The following MYRF variants were observed in gnomAD, a reference collection of about 807,000 sequenced individuals.
The protein encoded by MYRF is myelin gene regulatory factor.
In MYRF, 16 loss-of-function variants were observed where a neutral mutation model predicts 126.3. The ratio of observed to expected loss-of-function variants is 0.13; its 90% CI spans 0.09 to 0.19. The LOEUF (loss-of-function observed/expected upper bound fraction) is 0.19, where lower values mean the gene tolerates loss of function less well. MYRF is among the 10% of genes least tolerant of loss of function. The pLI is 1.00. For synonymous variants in MYRF, 608 were observed against 635.3 expected (o/e 0.96, Z 0.65); for missense variants, 1,104 against 1,547.0 (o/e 0.71, Z 4.80).
At chr11:61,761,045 C>G (rs914002507) in intron 1 of MYRF, among the ~76,000 whole-genome samples, 2 of 152,158 alleles carry the variant, frequency 1.3e-5, no homozygotes, top group African/African-American at 4.8e-5. Context: ...TCAGATCCAC[C>G]AAGCCTGGCC....
At position 61,766,033 on chromosome 11, in the gene MYRF, C is replaced by T. The variant is rs767872277; in HGVS notation, c.210C>T (p.Ser70=). The T allele has an allele frequency of 8.8e-6, 14 of 1,593,736 alleles. No individual in the cohort carries two copies. The highest frequency in any genetic ancestry group is 1.7e-4 in the Middle Eastern group (1 of 6,010). The change falls in exon 3 of 27, where the codon AGC becomes AGT. Residue 70 remains serine (S), a synonymous_variant. Coordinates refer to ENST00000278836, the MANE Select transcript of MYRF (RefSeq NM_001127392.3). The part of the protein sequence containing the change: ...SHGQPAMPGS[S]GVHHLSPPGG... ...GGCAGCCTGCGATGCCTGGCTCCAG[C>T]GGGGTCCACCACCTGAGCCCCCCTG...
In MYRF at chr11:61,778,629, C is replaced by T. The variant is rs1400924404; in HGVS notation, c.2013+140C>T. 1 of 685,674 alleles carries T rather than the reference C, an allele frequency of 1.5e-6. No homozygotes were observed. The highest frequency in any genetic ancestry group is 2.7e-6 in the Non-Finnish European group (1 of 375,902). 42.5% of individuals were successfully genotyped at this position (685,674 alleles called of 1,614,324 possible). ...CGGCTCTCATGCTGCCTCCAGAGCG[C>T]CCTCTGCACCCCACAGGGAAGGGGT... On this transcript the variant is annotated intron_variant, in intron 14 of 26. Coordinates refer to ENST00000278836, the MANE Select transcript of MYRF (RefSeq NM_001127392.3). The surrounding 1 kb of genome is among the most constrained non-coding windows in gnomAD (Gnocchi z 4.6).
intron 7 of MYRF, among the ~76,000 whole-genome samples, chr11:61,772,629 G>T (rs943438318): frequency 6.6e-6 from 1 of 152,240 alleles, no homozygotes; most frequent in Non-Finnish European, 1.5e-5. Flanking sequence ...CCTGCCAGGT[G>T]GGGGTGCAGT....
intron 1 of MYRF, among the ~76,000 whole-genome samples, chr11:61,765,363 C>G (rs1391608481): frequency 6.6e-6 from 1 of 152,216 alleles, no homozygotes; most frequent in Non-Finnish European, 1.5e-5. Context: ...TCTCTGTACC[C>G]AGATCCATGC....
chr11:61,786,258 G>A lies in MYRF; in HGVS notation c.*115G>A. On this transcript the variant is annotated 3_prime_UTR_variant, in exon 27 of 27. Coordinates refer to ENST00000278836, the MANE Select transcript of MYRF (RefSeq NM_001127392.3). The surrounding 1 kb of genome is among the most constrained non-coding windows in gnomAD (Gnocchi z 4.5). ...CTGCAGGCCAGCTCTGCTGTTCACTGGCCCTACCCGAGACTGGTGAAACTG... is the reference window on the plus strand; with the variant it reads ...CTGCAGGCCAGCTCTGCTGTTCACTAGCCCTACCCGAGACTGGTGAAACTG... 1 of 973,114 alleles carries A rather than the reference G, an allele frequency of 1.0e-6. No individual in the cohort carries two copies. Among genetic ancestry groups the A allele is most frequent in the South Asian group, 1.4e-5 (1 of 70,760 alleles). The allele number at this position is 973,114 out of a possible 1,614,324, so 60.3% of individuals were successfully genotyped here.
intron 24 of MYRF, 144 bp downstream of exon 24, chr11:61,784,069 A>G (rs2066625683): frequency 1.8e-6 from 2 of 1,094,996 alleles, no homozygotes; most frequent in South Asian, 1.5e-5. Context: ...TTCATTGCCT[A>G]CTTCGTGGTT....
At chr11:61,781,905 A>C (rs1042223741) in intron 22 of MYRF, 81 bp downstream of exon 22, 15 of 1,435,246 alleles carry the variant, frequency 1.0e-5, no homozygotes, top group Non-Finnish European at 3.7e-6. Context: ...CAGTCATGTG[A>C]CTGTCTGGGT....
intron 1 of MYRF, among the ~76,000 whole-genome samples, chr11:61,763,134 G>A (rs144029297): frequency 2.6e-3 from 390 of 152,224 alleles, no homozygotes; most frequent in African/African-American, 8.7e-3. Context: ...CAGCTTCAGC[G>A]GCCAGGGTGG....
At chr11:61,773,052 C>G (rs2066270562) in intron 7 of MYRF, among the ~76,000 whole-genome samples, 1 of 148,546 alleles carries the variant, frequency 6.7e-6, no homozygotes, top group African/African-American at 2.5e-5. Flanking sequence ...GTTGCCCAGG[C>G]TGGAGTGCAA....
Position 61,781,300 on chromosome 11 carries a change from C to A in MYRF, c.2735C>A (p.Pro912Gln). The change falls in exon 21 of 27, where the codon CCA becomes CAA. Residue 912 changes from proline (P) to glutamine (Q), a missense_variant. This residue lies in a region of MYRF where 323 missense variants were observed against 383.1 expected (regional missense o/e 0.84). Coordinates refer to ENST00000278836, the MANE Select transcript of MYRF (RefSeq NM_001127392.3). The part of the protein sequence containing the change: ...PSFNPGHVLS[P>Q]SPSPSTNRSG... ...TTTAACCCTGGCCATGTTCTCAGCC[C>A]AAGTCCCAGCCCCAGCACCAACCGC... is the stretch of plus-strand genomic sequence containing the variant. 1 of 1,614,128 alleles carries A rather than the reference C, an allele frequency of 6.2e-7. No homozygotes were observed. Among genetic ancestry groups the A allele is most frequent in the Non-Finnish European group, 8.5e-7 (1 of 1,180,038 alleles).
Position 61,781,035 on chromosome 11 carries a change from T to A in MYRF, c.2562T>A (p.Ser854=), listed in dbSNP as rs559028149. The change falls in exon 20 of 27, where the codon TCT becomes TCA. Residue 854 remains serine, a synonymous_variant. Coordinates refer to ENST00000278836, the MANE Select transcript of MYRF (RefSeq NM_001127392.3). ...LTTGLPGIQP[S]LLLVTTSLTS... ...CGGGGCTACCAGGCATACAGCCCTC[T>A]TTGCTGCTGGGTGCGTGTCTGGGCA... 1 of 1,609,990 alleles carries A rather than the reference T, an allele frequency of 6.2e-7. No homozygotes were observed. Among genetic ancestry groups the A allele is most frequent in the Non-Finnish European group, 8.5e-7 (1 of 1,179,988 alleles).
intron 1 of MYRF, among the ~76,000 whole-genome samples, chr11:61,753,438 G>A (rs1042990974): frequency 4.0e-5 from 6 of 151,886 alleles, no homozygotes; most frequent in African/African-American, 1.2e-4. Context: ...CTGCTCTCCT[G>A]TTTGGGGCTG....
At chr11:61,771,779 G>A (rs1008462096) in intron 6 of MYRF, 29 bp downstream of exon 6, 77 of 1,612,984 alleles carry the variant, frequency 4.8e-5, no homozygotes, top group Non-Finnish European at 6.4e-5. Context: ...CTTCAAGGTG[G>A]GGTGTGGGAC....
At chr11:61,780,612 A>T in intron 18 of MYRF, 100 bp from the exon 19 acceptor site, 1 of 1,196,438 alleles carries the variant, frequency 8.4e-7, no homozygotes, top group Non-Finnish European at 1.2e-6. Flanking sequence ...GGGCTCTGTG[A>T]GCCCACTGTC....
chr11:61,783,713 G>T lies in MYRF; in HGVS notation c.3119+113G>T, dbSNP rs369136161. 205 of 1,359,518 alleles carry T rather than the reference G, an allele frequency of 1.5e-4. No individual in the cohort carries two copies. In the East Asian group the frequency reaches 3.4e-3, roughly 22 times the overall value. The allele number at this position is 1,359,518 out of a possible 1,614,324, so 84.2% of individuals were successfully genotyped here. A position where few individuals can be genotyped will look rare whatever the true frequency, so the allele number is the denominator to read the frequency against. Reference sequence around the variant, plus strand: ...GGGAGGAGCCTCCCCCATAAGGAAGGGTAGCCCCTTTCCAGGCTACCCTTG... The same window carrying T: ...GGGAGGAGCCTCCCCCATAAGGAAGTGTAGCCCCTTTCCAGGCTACCCTTG... On this transcript the variant is annotated intron_variant, in intron 23 of 26. Transcript: ENST00000278836. The surrounding 1 kb of genome is among the most constrained non-coding windows in gnomAD (Gnocchi z 4.6).
intron 1 of MYRF, among the ~76,000 whole-genome samples, chr11:61,756,225 C>G (rs895035202): frequency 2.0e-5 from 3 of 152,126 alleles, no homozygotes; most frequent in Non-Finnish European, 4.4e-5. Flanking sequence ...GGCTGAGGCT[C>G]AGAGAGAAGG....
At chr11:61,761,995 G>A (rs1017052836) in intron 1 of MYRF, among the ~76,000 whole-genome samples, 3 of 152,342 alleles carry the variant, frequency 2.0e-5, no homozygotes, top group Non-Finnish European at 2.9e-5. Context: ...GAACTGATGA[G>A]GAATTACAAC....
intron 8 of MYRF, among the ~76,000 whole-genome samples, chr11:61,775,026 C>T (rs1199989288): frequency 6.6e-6 from 1 of 152,194 alleles, no homozygotes; most frequent in Non-Finnish European, 1.5e-5. Flanking sequence ...GGCCCTCTTT[C>T]CCCAACCTCA....
chr11:61,762,840 C>T (rs970271051), intron 1 of MYRF, among the ~76,000 whole-genome samples: 3 of 152,276 alleles, frequency 2.0e-5, no homozygotes, highest in Non-Finnish European at 2.9e-5. Context: ...CAACGCTGCC[C>T]CATCAGTTCC....
Sources: allele counts gnomAD v4.1 joint callset (sites outside exome capture counted in the v4.1 genomes callset), GRCh38; gene constraint gnomAD v4.1.1; regional missense constraint gnomAD v4.1.1; non-coding constraint Gnocchi (gnomAD v3.1); transcripts MANE v1.5; gene names NCBI Gene and HGNC (gene_info 2026-07-23, HGNC 2026-07-21).